Variants in CSN3 observed in about 807,000 individuals in gnomAD.
CSN3 encodes casein kappa, also known as kappa-casein.
Under a neutral mutation model 9.9 loss-of-function variants are expected in CSN3, and 7 were observed. The ratio of observed to expected loss-of-function variants is 0.71; its 90% CI spans 0.40 to 1.33. The LOEUF is 1.33. CSN3 is among the 40% of genes most tolerant of loss of function. The pLI is 0.01. For synonymous variants in CSN3, 88 were observed against 82.3 expected (o/e 1.07, Z -0.37); for missense variants, 253 against 227.9 (o/e 1.11, Z -0.71).
upstream of CSN3, among the ~76,000 whole-genome samples, chr4:70,241,813 A>G (rs1188814189): frequency 6.6e-6 from 1 of 152,078 alleles, no homozygotes; most frequent in African/African-American, 2.4e-5. Flanking sequence ...AGGATAATAA[A>G]TCACTAAGTA....
At chr4:70,250,214 A>G (rs1730455495) in intron 4 of CSN3, among the ~76,000 whole-genome samples, 1 of 152,224 alleles carries the variant, frequency 6.6e-6, no homozygotes, top group Admixed American at 6.5e-5. Context: ...AACAAAGAGA[A>G]TGATTAATAA....
At chr4:70,248,847 CATCTT>C in intron 3 of CSN3, 146 bp from the exon 4 acceptor site, 1 of 443,720 alleles carries the variant, frequency 2.3e-6, no homozygotes, top group East Asian at 3.4e-5. Flanking sequence ...TACAAATCAA[CATCTT>C]ATAAAATAAT....
intron 2 of CSN3, among the ~76,000 whole-genome samples, chr4:70,246,921 C>T (rs573571579): frequency 2.0e-5 from 3 of 152,214 alleles, no homozygotes; most frequent in Admixed American, 1.3e-4. Flanking sequence ...ATCCACCCAC[C>T]TCTGCCTCCC....
intron 4 of CSN3, among the ~76,000 whole-genome samples, chr4:70,250,064 T>C (rs1045055160): frequency 1.1e-4 from 17 of 152,206 alleles, no homozygotes; most frequent in Non-Finnish European, 2.2e-4. Context: ...GGAAGAATTA[T>C]AATGCTTAAC....
At chr4:70,247,255 CT>C (rs561332666) in intron 2 of CSN3, among the ~76,000 whole-genome samples, 11 of 151,942 alleles carry the variant, frequency 7.2e-5, no homozygotes, top group African/African-American at 7.2e-5. Context: ...AAATTGTTTT[CT>C]CACTCCTGAT....
chr4:70,243,759 CA>C (rs1231682471), intron 1 of CSN3, among the ~76,000 whole-genome samples: 1 of 151,852 alleles, frequency 6.6e-6, no homozygotes, highest in Non-Finnish European at 1.5e-5. Context: ...TATTAAAAAT[CA>C]AATAAGCAAG....
chr4:70,248,630 T>C (rs1006824408), intron 3 of CSN3, among the ~76,000 whole-genome samples: 1 of 152,134 alleles, frequency 6.6e-6, no homozygotes, highest in Non-Finnish European at 1.5e-5. Flanking sequence ...TGTGCTTGTG[T>C]ATAACATGTC....
chr4:70,248,612 C>T (rs1469415799), intron 3 of CSN3, among the ~76,000 whole-genome samples: 1 of 151,952 alleles, frequency 6.6e-6, no homozygotes, highest in Non-Finnish European at 1.5e-5. Flanking sequence ...CTGTGTGTGT[C>T]TGCATGTTGT....
chr4:70,243,549 G>C (rs1286600901), intron 1 of CSN3, among the ~76,000 whole-genome samples: 2 of 151,960 alleles, frequency 1.3e-5, no homozygotes, highest in Admixed American at 6.6e-5. Flanking sequence ...GAGTCCAGTG[G>C]GCTTTCCATC....
upstream of CSN3, among the ~76,000 whole-genome samples, chr4:70,239,968 T>C (rs909383684): frequency 5.9e-5 from 9 of 152,008 alleles, no homozygotes; most frequent in Non-Finnish European, 1.2e-4. Context: ...TGGAAAGCTG[T>C]GTTCATCATT....
chr4:70,250,764 A>C (rs1730468150), intron 4 of CSN3, among the ~76,000 whole-genome samples: 3 of 152,200 alleles, frequency 2.0e-5, no homozygotes, highest in African/African-American at 7.2e-5. Flanking sequence ...GTTTAATTTC[A>C]GATAGTGGGG....
chr4:70,247,297 A>G (rs1236015125), intron 2 of CSN3, among the ~76,000 whole-genome samples: 1 of 152,164 alleles, frequency 6.6e-6, no homozygotes, highest in Non-Finnish European at 1.5e-5. Context: ...CAAAACTAAG[A>G]AAAGCACTAT....
chr4:70,244,751 C>T, intron 1 of CSN3, 61 bp from the exon 2 acceptor site: 1 of 914,532 alleles, frequency 1.1e-6, no homozygotes, highest in South Asian at 2.8e-5. Flanking sequence ...GTATTCAAGT[C>T]ACTCCTAAAT....
intron 4 of CSN3, among the ~76,000 whole-genome samples, chr4:70,250,648 A>G (rs554201121): frequency 7.3e-4 from 111 of 152,314 alleles, no homozygotes; most frequent in Non-Finnish European, 1.4e-3. Context: ...ACCATATGAA[A>G]CAGATATTAT....
At chr4:70,247,882 C>T (rs772341345) in intron 3 of CSN3, 32 bp downstream of exon 3, 1 of 1,553,334 alleles carries the variant, frequency 6.4e-7, no homozygotes, top group Non-Finnish European at 8.7e-7. Context: ...CTGTTACAGG[C>T]ATGAACTACA....
At chr4:70,246,671 CT>C (rs11293109) in intron 2 of CSN3, among the ~76,000 whole-genome samples, 34,295 of 124,990 alleles carry the variant, frequency 0.27, 3,559 homozygotes, top group South Asian at 0.37. Flanking sequence ...CATATTACTT[CT>C]TTTTTTTTTT....
chr4:70,247,885 G>C (rs1578254697), intron 3 of CSN3, 35 bp downstream of exon 3: 1 of 1,549,034 alleles, frequency 6.5e-7, no homozygotes, highest in South Asian at 1.2e-5. Flanking sequence ...TTACAGGCAT[G>C]AACTACAAAA....
chr4:70,248,850 C>T, intron 3 of CSN3, 148 bp from the exon 4 acceptor site: 1 of 455,844 alleles, frequency 2.2e-6, no homozygotes, highest in Non-Finnish European at 3.9e-6. Context: ...AAATCAACAT[C>T]TTATAAAATA....
intron 2 of CSN3, among the ~76,000 whole-genome samples, chr4:70,246,275 C>T (rs914187541): frequency 6.6e-6 from 1 of 152,124 alleles, no homozygotes; most frequent in Non-Finnish European, 1.5e-5. Context: ...TTTGACACAA[C>T]TTTTCTATAC....
Sources: allele counts gnomAD v4.1 joint callset (sites outside exome capture counted in the v4.1 genomes callset), GRCh38; gene constraint gnomAD v4.1.1; transcripts MANE v1.5; gene names NCBI Gene and HGNC (gene_info 2026-07-23, HGNC 2026-07-21).